Variants in SEM1 observed in about 807,000 individuals in gnomAD.
SEM1 encodes the protein SEM1 26S proteasome subunit.
SEM1 carries 3 observed loss-of-function variants against 12.7 expected under a neutral mutation model. The observed-to-expected ratio is 0.24, with a 90% confidence interval of 0.11 to 0.61. The LOEUF (loss-of-function observed/expected upper bound fraction) is 0.61. Ranked by LOEUF, SEM1 falls within the 20% of genes least tolerant of loss-of-function variation. SEM1 has a pLI of 0.88. For missense variants in SEM1, 59 were observed against 81.3 expected (o/e 0.73, Z 1.06); for synonymous variants, 30 against 27.8 (o/e 1.08, Z -0.25).
exon 4 of SEM1, chr7:96,483,748 C>A: frequency 7.2e-7 from 1 of 1,381,228 alleles, no homozygotes; most frequent in Non-Finnish European, 9.9e-7. Context: ...AAGTATAGTT[C>A]TACCATGTGC....
chr7:96,628,170 T>G (rs1808131992), intron 2 of SEM1, among the ~76,000 whole-genome samples: 1 of 152,028 alleles, frequency 6.6e-6, no homozygotes. Context: ...GTTATCTTTA[T>G]TTGTGTTTCT....
chr7:96,689,566 C>T (rs909376545), intron 2 of SEM1, among the ~76,000 whole-genome samples: 5 of 152,150 alleles, frequency 3.3e-5, no homozygotes, highest in African/African-American at 1.2e-4. Flanking sequence ...TGCTTTACAT[C>T]ATTACATCCA....
intron 2 of SEM1, among the ~76,000 whole-genome samples, chr7:96,556,643 T>C (rs972698921): frequency 2.2e-5 from 3 of 136,988 alleles, no homozygotes; most frequent in Non-Finnish European, 4.8e-5. Flanking sequence ...TCATTTCAAC[T>C]TTGGTGCATC....
At chr7:96,689,404 G>A (rs1306717706) in intron 2 of SEM1, among the ~76,000 whole-genome samples, 2 of 152,068 alleles carry the variant, frequency 1.3e-5, no homozygotes, top group African/African-American at 4.8e-5. Flanking sequence ...CTATATTACT[G>A]TTGTATATGC....
intron 2 of SEM1, chr7:96,637,196 T>C (rs1051109680): frequency 1.1e-4 from 16 of 152,022 alleles, no homozygotes; most frequent in African/African-American, 3.4e-4. Context: ...CAGGGTATAC[T>C]TAGACCCAGA....
At chr7:96,552,165 T>C (rs1038206209) in intron 2 of SEM1, among the ~76,000 whole-genome samples, 37 of 150,754 alleles carry the variant, frequency 2.5e-4, no homozygotes, top group African/African-American at 8.5e-4. Context: ...GGGGCTACCA[T>C]TTAACTACAC....
At chr7:96,602,383 T>C (rs1807222143) in intron 2 of SEM1, among the ~76,000 whole-genome samples, 1 of 152,210 alleles carries the variant, frequency 6.6e-6, no homozygotes, top group African/African-American at 2.4e-5. Context: ...CAGCTGGGGC[T>C]GAATAATTGA....
chr7:96,522,022 GA>G (rs1804290540), intron 2 of SEM1, among the ~76,000 whole-genome samples: 1 of 151,990 alleles, frequency 6.6e-6, no homozygotes, highest in African/African-American at 2.4e-5. Flanking sequence ...TAGAGAAAGA[GA>G]AGAAAAAAAG....
Position 96,709,744 on chromosome 7 carries a change from GGCT to G in SEM1, c.17_19del (p.Gln6del). 1.9e-6 allele frequency: 3 copies of G among 1,613,842 alleles called. No individual in the cohort carries two copies. Among genetic ancestry groups the G allele is most frequent in the Non-Finnish European group, 2.5e-6 (3 of 1,179,894 alleles). On this transcript the variant is annotated inframe_deletion, in exon 1 of 3. Coordinates refer to ENST00000248566, the MANE Select transcript of SEM1 (RefSeq NM_006304.2). The stretch of plus-strand genomic sequence containing the variant: ...TTCCTCTAACAGACCTAAGTCTACC[GGCT>G]GCTTTTTCTCTGACATCTCGACTGT...
chr7:96,492,958 A>G (rs1159875964), intron 1 of SEM1, among the ~76,000 whole-genome samples: 1 of 151,926 alleles, frequency 6.6e-6, no homozygotes, highest in Non-Finnish European at 1.5e-5. Context: ...TAGGAATGCT[A>G]GAAGATTAGA....
chr7:96,703,032 T>G (rs1584874548), intron 1 of SEM1, among the ~76,000 whole-genome samples: 1 of 152,330 alleles, frequency 6.6e-6, no homozygotes, highest in East Asian at 1.9e-4. Context: ...TAGTAAGACA[T>G]TATTGAGACA....
At chr7:96,520,937 A>G (rs747690767) in intron 2 of SEM1, among the ~76,000 whole-genome samples, 10 of 152,070 alleles carry the variant, frequency 6.6e-5, no homozygotes, top group Non-Finnish European at 1.2e-4. Context: ...GATTGTCCTG[A>G]GAGCCCCGTA....
intron 3 of SEM1, chr7:96,503,577 A>G (rs1034888733): frequency 5.3e-5 from 8 of 152,110 alleles, no homozygotes; most frequent in African/African-American, 1.9e-4. Context: ...TGTCCCTGGA[A>G]GTTTATATTT....
chr7:96,596,489 A>G (rs972859806), intron 2 of SEM1, among the ~76,000 whole-genome samples: 4 of 152,146 alleles, frequency 2.6e-5, no homozygotes, highest in Non-Finnish European at 4.4e-5. Flanking sequence ...AGTCGGTCCA[A>G]TTCAGGAGGC....
chr7:96,669,817 C>A (rs1029585562), downstream of SEM1, among the ~76,000 whole-genome samples: 3 of 152,112 alleles, frequency 2.0e-5, no homozygotes, highest in East Asian at 5.8e-4. Context: ...TATCTCTTTT[C>A]TTTAGTATTC....
chr7:96,669,623 C>G (rs987358115), downstream of SEM1, among the ~76,000 whole-genome samples: 3 of 152,116 alleles, frequency 2.0e-5, no homozygotes, highest in Non-Finnish European at 2.9e-5. Flanking sequence ...AAAAGCATGA[C>G]AGAAAAGCAA....
intron 1 of SEM1, among the ~76,000 whole-genome samples, chr7:96,706,021 T>C (rs1174587851): frequency 6.6e-6 from 1 of 152,108 alleles, no homozygotes; most frequent in African/African-American, 2.4e-5. Context: ...GTCTTCCTAA[T>C]AAAGGCTGTT....
chr7:96,491,836 A>G (rs1014653579), intron 1 of SEM1, among the ~76,000 whole-genome samples: 5 of 152,202 alleles, frequency 3.3e-5, no homozygotes, highest in African/African-American at 4.8e-5. Context: ...CTGTAAAGAA[A>G]ACTAATATTT....
intron 2 of SEM1, among the ~76,000 whole-genome samples, chr7:96,535,576 T>C (rs1432581154): frequency 6.6e-6 from 1 of 151,830 alleles, no homozygotes; most frequent in Admixed American, 6.6e-5. Flanking sequence ...GCACTAAGCA[T>C]AGTGCCCAAC....
Sources: gnomAD v4.1 joint callset for allele counts (sites outside exome capture counted in the v4.1 genomes callset) on GRCh38, gnomAD v4.1.1 for gene constraint, MANE v1.5 for transcripts, NCBI Gene and HGNC (gene_info 2026-07-23, HGNC 2026-07-21) for gene names.